Variants in KCND2 observed in about 807,000 individuals in gnomAD.
KCND2 encodes A-type voltage-gated potassium channel KCND2.
A neutral mutation model predicts 54.4 loss-of-function variants in KCND2; 16 were observed. The ratio of observed to expected loss-of-function variants is 0.29; its 90% CI spans 0.20 to 0.45. The LOEUF is 0.45. Ranked by LOEUF, KCND2 falls within the 20% of genes least tolerant of loss-of-function variation. The pLI, the probability that KCND2 is intolerant of heterozygous loss-of-function variation, is 1.00. For synonymous variants in KCND2, 317 were observed against 310.7 expected (o/e 1.02, Z -0.21); for missense variants, 486 against 824.2 (o/e 0.59, Z 5.02).
chr7:120,582,592 A>T (rs1337462393), intron 1 of KCND2, among the ~76,000 whole-genome samples: 1 of 152,116 alleles, frequency 6.6e-6, no homozygotes, highest in East Asian at 1.9e-4. Context: ...AAGTACTCTG[A>T]CTACCCCTCC....
At chr7:120,544,727 A>G (rs1374567517) in intron 1 of KCND2, among the ~76,000 whole-genome samples, 1 of 151,954 alleles carries the variant, frequency 6.6e-6, no homozygotes, top group Admixed American at 6.6e-5. Flanking sequence ...GACCTTGATA[A>G]TCATTACACG....
intron 1 of KCND2, among the ~76,000 whole-genome samples, chr7:120,667,544 A>T (rs1791942900): frequency 1.3e-5 from 2 of 152,012 alleles, no homozygotes; most frequent in Non-Finnish European, 2.9e-5. Context: ...CATGTATGTC[A>T]TAAGAATCTA....
chr7:120,673,978 C>T (rs1455255077), intron 1 of KCND2, among the ~76,000 whole-genome samples: 2 of 151,444 alleles, frequency 1.3e-5, no homozygotes, highest in Admixed American at 6.6e-5. Flanking sequence ...GATCTCAGCT[C>T]GCTGCAACCT....
chr7:120,615,113 T>G (rs1266785441), intron 1 of KCND2, among the ~76,000 whole-genome samples: 3 of 152,150 alleles, frequency 2.0e-5, no homozygotes, highest in Non-Finnish European at 4.4e-5. Context: ...CTACATACCA[T>G]CAGTAACAAT....
chr7:120,430,603 G>A (rs1801774742), intron 1 of KCND2, among the ~76,000 whole-genome samples: 2 of 151,772 alleles, frequency 1.3e-5, no homozygotes, highest in African/African-American at 2.4e-5. Flanking sequence ...CAACTTTTAA[G>A]AACCTAGCAC....
chr7:120,632,744 C>T (rs1213151094), intron 1 of KCND2, among the ~76,000 whole-genome samples: 1 of 152,136 alleles, frequency 6.6e-6, no homozygotes, highest in African/African-American at 2.4e-5. Context: ...AGGAAATGGG[C>T]ATGGGGAGGT....
In KCND2 at chr7:120,274,927, T is replaced by C. The variant is rs1166900751; in HGVS notation, c.295T>C (p.Tyr99His). The C allele has an allele frequency of 6.2e-7, 1 of 1,614,136 alleles. No homozygotes were observed. The highest frequency in any genetic ancestry group is 1.1e-5 in the South Asian group (1 of 91,086). ...PDIFRHILNF[Y>H]RTGKLHYPRH... ...CATCTTCCGCCACATCCTGAATTTC[T>C]ACCGCACTGGGAAGCTCCACTATCC... Residue 99 changes from tyrosine to histidine, a missense_variant, in exon 1 of 6, where the codon TAC becomes CAC. Around this residue, in one of 7 missense-constraint regions of KCND2, gnomAD observed 231 missense variants for 386.0 expected, o/e 0.60. Coordinates refer to ENST00000331113, the MANE Select transcript of KCND2 (RefSeq NM_012281.3).
chr7:120,484,728 CACACAAAG>C (rs1802668718), intron 1 of KCND2, among the ~76,000 whole-genome samples: 1 of 150,800 alleles, frequency 6.6e-6, no homozygotes, highest in Non-Finnish European at 1.5e-5. Flanking sequence ...CACACACACA[CACACAAAG>C]AATTTCTTGT....
intron 1 of KCND2, among the ~76,000 whole-genome samples, chr7:120,529,988 G>A (rs1240188180): frequency 6.6e-6 from 1 of 151,912 alleles, no homozygotes; most frequent in Non-Finnish European, 1.5e-5. Context: ...TGAGAGAATC[G>A]CTTGACCCCA....
intron 1 of KCND2, among the ~76,000 whole-genome samples, chr7:120,558,384 T>A (rs1792191013): frequency 6.6e-6 from 1 of 152,260 alleles, no homozygotes; most frequent in South Asian, 2.1e-4. Flanking sequence ...ATTATAGCAT[T>A]CTTGGTGTTA....
chr7:120,365,472 G>A (rs1433353936), intron 1 of KCND2, among the ~76,000 whole-genome samples: 1 of 152,066 alleles, frequency 6.6e-6, no homozygotes, highest in Non-Finnish European at 1.5e-5. Flanking sequence ...CAGTGTATCA[G>A]CAAGAGCTCC....
intron 1 of KCND2, among the ~76,000 whole-genome samples, chr7:120,285,014 A>G (rs1015847797): frequency 1.7e-4 from 26 of 152,288 alleles, no homozygotes; most frequent in Middle Eastern, 3.4e-3. Context: ...AAATAAATTC[A>G]TGTAATACAT....
chr7:120,366,560 G>A (rs943435533), intron 1 of KCND2, among the ~76,000 whole-genome samples: 9 of 149,050 alleles, frequency 6.0e-5, no homozygotes, highest in African/African-American at 2.3e-4. Flanking sequence ...GAAAAGAAAA[G>A]AAAAAAGAAA....
chr7:120,427,475 T>C (rs1418755556), intron 1 of KCND2, among the ~76,000 whole-genome samples: 2 of 152,184 alleles, frequency 1.3e-5, no homozygotes, highest in Non-Finnish European at 2.9e-5. Context: ...ACTATTAACA[T>C]CTGCAGAGGG....
At chr7:120,568,197 T>C (rs1206897151) in intron 1 of KCND2, among the ~76,000 whole-genome samples, 1 of 152,108 alleles carries the variant, frequency 6.6e-6, no homozygotes, top group Admixed American at 6.6e-5. Flanking sequence ...AATATTGTAG[T>C]AAATTCTGTG....
At chr7:120,489,579 GTT>G (rs1802746566) in intron 1 of KCND2, among the ~76,000 whole-genome samples, 1 of 152,048 alleles carries the variant, frequency 6.6e-6, no homozygotes. Flanking sequence ...ACACAGACAT[GTT>G]TTATAAAGTT....
At chr7:120,543,083 A>G (rs802336) in intron 1 of KCND2, among the ~76,000 whole-genome samples, 33,155 of 151,926 alleles carry the variant, frequency 0.22, 5,953 homozygotes, top group East Asian at 0.49. Context: ...TATTAAGGAG[A>G]TAAGTGGTTT....
At chr7:120,655,603 C>A (rs1399689859) in intron 1 of KCND2, among the ~76,000 whole-genome samples, 1 of 152,000 alleles carries the variant, frequency 6.6e-6, no homozygotes, top group Non-Finnish European at 1.5e-5. Context: ...AGTTTTCCAG[C>A]AAACTCTCAT....
At position 120,486,230 on chromosome 7, in the gene KCND2, A is replaced by G. The variant is rs1400461457; in HGVS notation, c.1115+210483A>G. ...TGAAAACATAAAACCAGGGAGGTCA[A>G]AGAGAATGGGATGGAAAATTATGTA... On this transcript the variant is annotated intron_variant, in intron 1 of 5. Transcript: ENST00000331113. 2.0e-5 allele frequency among the ~76,000 whole-genome samples: 3 copies of G among 152,146 alleles called. No individual in the cohort carries two copies. In the East Asian group the frequency reaches 5.8e-4, roughly 29 times the overall value.
Sources: gnomAD v4.1 joint callset for allele counts (sites outside exome capture counted in the v4.1 genomes callset) on GRCh38, gnomAD v4.1.1 for gene constraint, gnomAD v4.1.1 regional missense constraint, MANE v1.5 for transcripts, NCBI Gene and HGNC (gene_info 2026-07-23, HGNC 2026-07-21) for gene names.